The following EYA4 variants were observed in gnomAD, a reference collection of about 807,000 sequenced individuals.
The protein encoded by EYA4 is protein phosphatase EYA4.
EYA4 carries 31 observed loss-of-function variants against 87.9 expected under a neutral mutation model. The observed-to-expected ratio is 0.35, with a 90% CI of 0.27 to 0.48. The LOEUF is 0.48. Ranked by LOEUF, EYA4 falls within the 20% of genes least tolerant of loss-of-function variation. EYA4 has a pLI of 0.99. For missense variants in EYA4, 678 were observed against 761.4 expected (o/e 0.89, Z 1.29); for synonymous variants, 263 against 270.6 (o/e 0.97, Z 0.28).
Position 133,273,151 on chromosome 6 carries a change from C to G in EYA4, c.-65-1565C>G, listed in dbSNP as rs184180998. Among the ~76,000 whole-genome samples the G allele has an allele frequency of 2.4e-4, 34 of 139,684 alleles. 2 individuals carry two copies. The highest frequency in any genetic ancestry group is 7.7e-4 in the African/African-American group (29 of 37,594). 91.6% of individuals were successfully genotyped at this position (139,684 alleles called of 152,430 possible). A position where few individuals can be genotyped will look rare whatever the true frequency, so the allele number is the denominator to read the frequency against. ...TTTATTAAATATTAACTCACATGTTCACAAGGTTTCACAATAGGCTGCTTG... is the reference window on the plus strand; with the variant it reads ...TTTATTAAATATTAACTCACATGTTGACAAGGTTTCACAATAGGCTGCTTG... On this transcript the variant is annotated intron_variant, in intron 1 of 19. Coordinates refer to ENST00000355286, the MANE Select transcript of EYA4 (RefSeq NM_004100.5).
chr6:133,415,697 G>T (rs937068090), intron 3 of EYA4, among the ~76,000 whole-genome samples: 1 of 152,286 alleles, frequency 6.6e-6, no homozygotes, highest in Non-Finnish European at 1.5e-5. Flanking sequence ...TGGGGTTAAG[G>T]AGTTCCAACT....
chr6:133,366,141 GAC>G (rs1421287835), intron 2 of EYA4, among the ~76,000 whole-genome samples: 3 of 152,126 alleles, frequency 2.0e-5, no homozygotes, highest in African/African-American at 7.2e-5. Flanking sequence ...ACAGATTTGA[GAC>G]ATATTTTGAA....
At chr6:133,462,578 A>T (rs780887715) in intron 8 of EYA4, 43 bp from the exon 9 acceptor site, 1 of 1,613,520 alleles carries the variant, frequency 6.2e-7, no homozygotes. Context: ...AAGGAAAATC[A>T]TCTTACTAAT....
intron 19 of EYA4, chr6:133,525,805 A>T: frequency 1.5e-6 from 1 of 665,070 alleles, no homozygotes; most frequent in Non-Finnish European, 1.9e-6. Flanking sequence ...GGGCAGATTT[A>T]ATAGCTGAAG....
intron 2 of EYA4, among the ~76,000 whole-genome samples, chr6:133,330,568 T>TATAC (rs1274925230): frequency 4.9e-5 from 7 of 143,882 alleles, no homozygotes; most frequent in East Asian, 4.0e-4. Flanking sequence ...TATATATATA[T>TATAC]ACACACACAC....
Position 133,274,701 on chromosome 6 carries a change from ATCT to A in EYA4, c.-65-10_-65-8del. Reference sequence around the variant, plus strand: ...GATAACATTTTTCCCCTTTGTTTCCATCTTCTTGTTTTAGATAGTCATTTTTAC... The same window carrying A: ...GATAACATTTTTCCCCTTTGTTTCCATCTTGTTTTAGATAGTCATTTTTAC... On this transcript the variant is annotated splice_polypyrimidine_tract_variant and intron_variant, in intron 1 of 19. Coordinates refer to ENST00000355286, the MANE Select transcript of EYA4 (RefSeq NM_004100.5). 1 of 1,192,458 alleles carries A rather than the reference ATCT, an allele frequency of 8.4e-7. No individual in the cohort carries two copies. The highest frequency in any genetic ancestry group is 1.3e-6 in the Non-Finnish European group (1 of 797,098). 73.9% of individuals were successfully genotyped at this position (1,192,458 alleles called of 1,614,324 possible).
intron 13 of EYA4, among the ~76,000 whole-genome samples, chr6:133,489,944 T>C (rs1797001219): frequency 1.3e-5 from 2 of 151,272 alleles, no homozygotes; most frequent in Non-Finnish European, 2.9e-5. Flanking sequence ...TTAAAAATAA[T>C]AACTGACAAC....
intron 2 of EYA4, among the ~76,000 whole-genome samples, chr6:133,323,802 G>A (rs1483119838): frequency 2.0e-5 from 3 of 152,088 alleles, no homozygotes; most frequent in Non-Finnish European, 4.4e-5. Flanking sequence ...AGCTATTTCT[G>A]TATTGTTATA....
intron 2 of EYA4, chr6:133,360,118 T>C (rs759994661): frequency 1.2e-4 from 19 of 152,232 alleles, no homozygotes; most frequent in Non-Finnish European, 2.5e-4. Context: ...GTTTTTATTT[T>C]ATAAAATGGA....
At chr6:133,313,257 G>GT (rs1780371510) in intron 2 of EYA4, among the ~76,000 whole-genome samples, 1 of 152,182 alleles carries the variant, frequency 6.6e-6, no homozygotes, top group Non-Finnish European at 1.5e-5. Flanking sequence ...CTCCTGTGGA[G>GT]TAGGAAAGTT....
At chr6:133,381,070 TTTTTC>T (rs1786168914) in intron 2 of EYA4, among the ~76,000 whole-genome samples, 1 of 129,286 alleles carries the variant, frequency 7.7e-6, no homozygotes. Context: ...AACCGTTTTT[TTTTTC>T]TTTTTTTTTT....
At chr6:133,458,669 C>T (rs1055567729) in intron 6 of EYA4, among the ~76,000 whole-genome samples, 6 of 152,096 alleles carry the variant, frequency 3.9e-5, no homozygotes, top group Non-Finnish European at 7.4e-5. Flanking sequence ...AGATGTCTTA[C>T]TAAAGACAAC....
Position 133,367,300 on chromosome 6 carries a change from G to A in EYA4, c.34-15092G>A, listed in dbSNP as rs546673067. 3.3e-5 allele frequency among the ~76,000 whole-genome samples: 5 copies of A among 152,336 alleles called. No homozygotes were observed. The East Asian group carries it at 9.6e-4, about 29-fold the overall frequency. Reference sequence around the variant, plus strand: ...TAGAAGACACGAAGAAAGGAAGTATGTAAGCAGCTTCCTTGTGCTAAGAGT... The same window carrying A: ...TAGAAGACACGAAGAAAGGAAGTATATAAGCAGCTTCCTTGTGCTAAGAGT... On this transcript the variant is annotated intron_variant, in intron 2 of 19. Transcript: ENST00000355286.
chr6:133,324,885 G>A (rs1033892159), intron 2 of EYA4, among the ~76,000 whole-genome samples: 6 of 149,304 alleles, frequency 4.0e-5, no homozygotes, highest in African/African-American at 1.5e-4. Flanking sequence ...GAAAATTTAT[G>A]GAGTATATTT....
At chr6:133,422,695 A>C (rs1410086342) in intron 3 of EYA4, among the ~76,000 whole-genome samples, 1 of 152,258 alleles carries the variant, frequency 6.6e-6, no homozygotes, top group African/African-American at 2.4e-5. Context: ...GAATGTGTGC[A>C]TTCAATAATA....
chr6:133,479,663 C>A (rs1796040756), intron 11 of EYA4, among the ~76,000 whole-genome samples: 1 of 151,974 alleles, frequency 6.6e-6, no homozygotes, highest in Non-Finnish European at 1.5e-5. Flanking sequence ...ATGTAGTTTA[C>A]CTTCTGTCTT....
intron 11 of EYA4, among the ~76,000 whole-genome samples, chr6:133,479,044 T>G (rs1203122376): frequency 6.6e-6 from 1 of 152,168 alleles, no homozygotes; most frequent in Non-Finnish European, 1.5e-5. Context: ...TTATGGAACG[T>G]CATCCAAAAT....
chr6:133,374,806 G>T (rs1157651653), intron 2 of EYA4, among the ~76,000 whole-genome samples: 1 of 152,050 alleles, frequency 6.6e-6, no homozygotes, highest in Non-Finnish European at 1.5e-5. Flanking sequence ...TTTCAGAAAT[G>T]TATACATTTT....
intron 8 of EYA4, 28 bp downstream of exon 8, chr6:133,462,505 TG>T (rs1554262002): frequency 6.8e-6 from 11 of 1,613,948 alleles, no homozygotes; most frequent in Non-Finnish European, 8.5e-6. Flanking sequence ...TTTTCTTCTT[TG>T]GTTATAGGCA....
Sources: gnomAD v4.1 joint callset for allele counts (sites outside exome capture counted in the v4.1 genomes callset) on GRCh38, gnomAD v4.1.1 for gene constraint, MANE v1.5 for transcripts, NCBI Gene and HGNC (gene_info 2026-07-23, HGNC 2026-07-21) for gene names.